NOL10: variants seen among roughly 807,000 people sequenced by gnomAD.
NOL10 encodes H_NH0074G24.1.
NOL10 carries 58 observed loss-of-function variants against 103.5 expected under a neutral mutation model. The ratio of observed to expected loss-of-function variants is 0.56; its 90% CI spans 0.45 to 0.70. NOL10 has a LOEUF of 0.70. NOL10 is among the 30% of genes least tolerant of loss of function. NOL10 has a pLI of 0.00. For synonymous variants in NOL10, 287 were observed against 282.5 expected, an observed-to-expected ratio of 1.02 and a Z score of -0.16; for missense variants, 763 against 807.3, an observed-to-expected ratio of 0.95 and a Z score of 0.67.
intron 19 of NOL10, among the ~76,000 whole-genome samples, chr2:10,584,144 C>A (rs1674904314): frequency 1.3e-5 from 2 of 152,226 alleles, no homozygotes; most frequent in African/African-American, 2.4e-5. Context: ...ATGCTCCACT[C>A]TGCATCTTTC....
intron 6 of NOL10, among the ~76,000 whole-genome samples, chr2:10,669,532 AC>A (rs1680792797): frequency 6.6e-6 from 1 of 150,708 alleles, no homozygotes. Flanking sequence ...ACACACACAC[AC>A]ACACACACAA....
chr2:10,603,537 C>CAGGAGAAGGGAAACAGGAGAA, intron 14 of NOL10, among the ~76,000 whole-genome samples: 1 of 152,248 alleles, frequency 6.6e-6, no homozygotes, highest in African/African-American at 2.4e-5. Flanking sequence ...AGAGGAGAAA[C>CAGGAGAAGGGAAACAGGAGAA]ATTGTCATCG....
intron 11 of NOL10, 102 bp from the exon 12 acceptor site, chr2:10,654,649 AAATAAAATAGCCT>A: frequency 1.8e-6 from 1 of 568,022 alleles, no homozygotes; most frequent in Non-Finnish European, 3.1e-6. Flanking sequence ...CTATGTAAAG[AAATAAAATAGCCT>A]ACTTCAAATA....
chr2:10,615,535 A>G (rs1676786653), intron 13 of NOL10, among the ~76,000 whole-genome samples: 1 of 152,236 alleles, frequency 6.6e-6, no homozygotes, highest in Non-Finnish European at 1.5e-5. Context: ...AAACACAGAG[A>G]GCTTTTGGTT....
rs529187920 is a variant in NOL10, at chr2:10,655,139, G to A, written c.907-592C>T. Among the ~76,000 whole-genome samples, 6 of 151,780 alleles carry A rather than the reference G, an allele frequency of 4.0e-5. 1 individual carries two copies. In the East Asian group the frequency reaches 1.2e-3, roughly 29 times the overall value. On this transcript the variant is annotated intron_variant, in intron 11 of 20. Transcript: ENST00000381685. ...GCAAAACTGCTTGAACCCAGGAGGCGGAGGTTATAGTCAGCCAAGATAGCA... is the reference window on the plus strand; with the variant it reads ...GCAAAACTGCTTGAACCCAGGAGGCAGAGGTTATAGTCAGCCAAGATAGCA...
At chr2:10,655,875 C>T (rs906692677) in intron 11 of NOL10, among the ~76,000 whole-genome samples, 3 of 152,154 alleles carry the variant, frequency 2.0e-5, no homozygotes, top group East Asian at 1.9e-4. Flanking sequence ...ATGAAGAACA[C>T]GGCCAAGTCC....
At chr2:10,588,378 C>T (rs1449786847) in intron 19 of NOL10, among the ~76,000 whole-genome samples, 8 of 152,170 alleles carry the variant, frequency 5.3e-5, no homozygotes, top group African/African-American at 1.4e-4. Flanking sequence ...CCATGAAACA[C>T]TCGGCAACCA....
chr2:10,591,208 G>A (rs768520791), intron 17 of NOL10, among the ~76,000 whole-genome samples: 12 of 152,120 alleles, frequency 7.9e-5, no homozygotes, highest in Non-Finnish European at 1.3e-4. Flanking sequence ...TACAACGAAG[G>A]GAAAAAGAAA....
At position 10,586,860 on chromosome 2, in the gene NOL10, T is replaced by C. The variant is rs539278626; in HGVS notation, c.1844+2183A>G. The stretch of plus-strand genomic sequence containing the variant: ...ATAGAACATACAAAATATGTGGTAA[T>C]TGACCCCTGACTGTTAAAAATTCTG... On this transcript the variant is annotated intron_variant, in intron 19 of 20. Coordinates refer to ENST00000381685, the MANE Select transcript of NOL10 (RefSeq NM_024894.4). Among the ~76,000 whole-genome samples, 14 of 151,484 alleles carry C rather than the reference T, an allele frequency of 9.2e-5. No homozygotes were observed. In the South Asian group the frequency reaches 2.5e-3, roughly 27 times the overall value.
intron 17 of NOL10, among the ~76,000 whole-genome samples, chr2:10,599,759 T>C (rs111226839): frequency 4.6e-5 from 7 of 152,208 alleles, no homozygotes; most frequent in Middle Eastern, 3.4e-3. Flanking sequence ...TCTGAATCCA[T>C]TTGGAAAGCA....
chr2:10,611,201 A>AATC (rs1405578606), intron 13 of NOL10, among the ~76,000 whole-genome samples: 1 of 152,190 alleles, frequency 6.6e-6, no homozygotes, highest in African/African-American at 2.4e-5. Context: ...CTTTAATGAT[A>AATC]ATCATATCAA....
intron 11 of NOL10, 91 bp downstream of exon 11, chr2:10,657,651 A>G: frequency 8.8e-7 from 1 of 1,132,542 alleles, no homozygotes. Flanking sequence ...CTCTTTCCCA[A>G]TAACCCACAT....
chr2:10,674,484 C>A (rs182854799), intron 4 of NOL10, among the ~76,000 whole-genome samples: 1 of 152,294 alleles, frequency 6.6e-6, no homozygotes, highest in East Asian at 1.9e-4. Flanking sequence ...TAAGACATTG[C>A]TCCCATGATT....
intron 19 of NOL10, among the ~76,000 whole-genome samples, chr2:10,586,953 T>TA (rs59774295): frequency 1.2e-4 from 17 of 143,094 alleles, no homozygotes; most frequent in African/African-American, 1.6e-4. Context: ...CAAGAAGGTT[T>TA]AAAAAAAAAA....
intron 19 of NOL10, 127 bp from the exon 20 acceptor site, chr2:10,577,865 A>G: frequency 3.2e-6 from 2 of 632,892 alleles, no homozygotes; most frequent in Non-Finnish European, 5.6e-6. Context: ...AATATCATTC[A>G]TTTAACACAA....
chr2:10,620,593 A>C (rs1249398896), intron 13 of NOL10, among the ~76,000 whole-genome samples: 2 of 152,228 alleles, frequency 1.3e-5, no homozygotes, highest in African/African-American at 4.8e-5. Context: ...AAAGGACATA[A>C]AGGAACTCAA....
chr2:10,637,060 G>C (rs1558309448), intron 13 of NOL10, among the ~76,000 whole-genome samples: 1 of 151,850 alleles, frequency 6.6e-6, no homozygotes, highest in Non-Finnish European at 1.5e-5. Context: ...AAATTAGTCA[G>C]GTGTGGTGGT....
rs1674150676 is a variant in NOL10, at chr2:10,571,004, T to TTAC, written c.*1064_*1066dup. On this transcript the variant is annotated 3_prime_UTR_variant, in exon 21 of 21. Coordinates refer to ENST00000381685, the MANE Select transcript of NOL10 (RefSeq NM_024894.4). ...GTGTTTTGGAATATCTGTATTATAT[T>TTAC]TACTAGTCAAGTATCCCAAATCTGA... 6.6e-6 allele frequency: 1 copy of TTAC among 152,186 alleles called. No homozygotes were observed. The highest frequency in any genetic ancestry group is 6.6e-5 in the Admixed American group (1 of 15,260). The allele number at this position is 152,186 out of a possible 1,614,324, so 9.4% of individuals were successfully genotyped here.
At chr2:10,650,679 CCAGGGGTTCAAGGCTG>C (rs1189169623) in intron 12 of NOL10, among the ~76,000 whole-genome samples, 1 of 151,948 alleles carries the variant, frequency 6.6e-6, no homozygotes, top group Non-Finnish European at 1.5e-5. Flanking sequence ...TCGCTCGAGC[CCAGGGGTTCAAGGCTG>C]CAGTGAGCTA....
Sources: gnomAD v4.1 joint callset for allele counts (sites outside exome capture counted in the v4.1 genomes callset) on GRCh38, gnomAD v4.1.1 for gene constraint, MANE v1.5 for transcripts, NCBI Gene and HGNC (gene_info 2026-07-23, HGNC 2026-07-21) for gene names.